The following ERICH6B variants were observed in gnomAD, a reference collection of about 807,000 sequenced individuals.
ERICH6B encodes the protein glutamate rich 6B.
In ERICH6B, 69 loss-of-function variants were observed where a neutral mutation model predicts 80.0. The observed-to-expected ratio is 0.86, with a 90% CI of 0.71 to 1.05. ERICH6B has a LOEUF of 1.05. Among genes scored for constraint, ERICH6B ranks in the 50% least tolerant of loss-of-function variants. ERICH6B has a pLI of 0.00. For synonymous variants in ERICH6B, 283 were observed against 291.9 expected, an observed-to-expected ratio of 0.97 and a Z score of 0.31; for missense variants, 754 against 796.1, an observed-to-expected ratio of 0.95 and a Z score of 0.64.
intron 4 of ERICH6B, among the ~76,000 whole-genome samples, chr13:45,588,833 C>G (rs768700826): frequency 6.6e-6 from 1 of 152,176 alleles, no homozygotes; most frequent in Admixed American, 6.5e-5. Context: ...GGGCTGAACA[C>G]TAGCCCTGTG....
rs374992036 is a variant in ERICH6B, at chr13:45,587,218, C to T, written c.701G>A (p.Gly234Asp). Residue 234 changes from glycine to aspartate, a missense_variant, in exon 5 of 15, where the codon GGC becomes GAC. Gly to Asp is a moderately conservative substitution (Grantham distance 94). Transcript: ENST00000298738. The part of the protein sequence containing the change: ...LLRDARSPDA[G>D]PSQVTTFLTV... The stretch of plus-strand genomic sequence containing the variant: ...CAAGAAGGTGGTCACCTGAGAGGGG[C>T]CAGCGTCTGGACTCCTGTCAGAGGG... 6 of 1,551,434 alleles carry T rather than the reference C, an allele frequency of 3.9e-6. No individual in the cohort carries two copies. The African/African-American group carries it at 5.5e-5, about 14-fold the overall frequency.
At chr13:45,608,210 A>G (rs905864632) in intron 1 of ERICH6B, among the ~76,000 whole-genome samples, 2 of 152,186 alleles carry the variant, frequency 1.3e-5, no homozygotes, top group East Asian at 3.8e-4. Flanking sequence ...TTTTCCTCCA[A>G]AATACTGAGA....
At chr13:45,577,374 C>G (rs1233133363) in intron 7 of ERICH6B, among the ~76,000 whole-genome samples, 1 of 148,728 alleles carries the variant, frequency 6.7e-6, no homozygotes, top group Non-Finnish European at 1.5e-5. Flanking sequence ...ATCTCCGCCT[C>G]CCGGGTTCAA....
At chr13:45,590,602 C>T (rs775080348) in intron 4 of ERICH6B, 47 bp downstream of exon 4, 2 of 1,518,264 alleles carry the variant, frequency 1.3e-6, no homozygotes, top group African/African-American at 1.4e-5. Flanking sequence ...AAACATTGTC[C>T]CCAAGCAGGA....
intron 2 of ERICH6B, among the ~76,000 whole-genome samples, chr13:45,605,054 G>A (rs9595345): frequency 0.39 from 59,610 of 151,826 alleles, 13,535 homozygotes; most frequent in Non-Finnish European, 0.51. Context: ...CTGAGACCCG[G>A]CCCCTGGAAT....
At chr13:45,573,911 C>T (rs1416150274) in intron 8 of ERICH6B, among the ~76,000 whole-genome samples, 1 of 152,158 alleles carries the variant, frequency 6.6e-6, no homozygotes, top group Non-Finnish European at 1.5e-5. Context: ...CTTTGTAAAT[C>T]CAAAGCAGTA....
Position 45,543,448 on chromosome 13 carries a change from G to C in ERICH6B, c.1872+1312C>G, listed in dbSNP as rs141690221. 3.2e-3 allele frequency among the ~76,000 whole-genome samples: 481 copies of C among 152,244 alleles called. 1 individual carries two copies. Among genetic ancestry groups the C allele is most frequent in the African/African-American group, 0.01 (427 of 41,542 alleles). ...CAGGATGAGCTCCTTCTGGATTTAGGGTAGGCCCTAGATCCAACTACTGGT... is the reference window on the plus strand; with the variant it reads ...CAGGATGAGCTCCTTCTGGATTTAGCGTAGGCCCTAGATCCAACTACTGGT... On this transcript the variant is annotated intron_variant, in intron 14 of 14. Transcript: ENST00000298738.
chr13:45,592,141 A>C (rs906764046), intron 3 of ERICH6B, among the ~76,000 whole-genome samples: 1 of 152,202 alleles, frequency 6.6e-6, no homozygotes, highest in African/African-American at 2.4e-5. Flanking sequence ...ATGGGCAGGA[A>C]GAGATAATGG....
At chr13:45,597,162 G>T in intron 2 of ERICH6B, 99 bp from the exon 3 acceptor site, 1 of 844,714 alleles carries the variant, frequency 1.2e-6, no homozygotes. Context: ...AGTAGTCTTT[G>T]GAGGGCTCTT....
At chr13:45,570,026 T>A (rs1280655733) in intron 8 of ERICH6B, among the ~76,000 whole-genome samples, 1 of 152,238 alleles carries the variant, frequency 6.6e-6, no homozygotes, top group African/African-American at 2.4e-5. Context: ...TCTGTTGTGG[T>A]CTGCTGGATG....
intron 11 of ERICH6B, among the ~76,000 whole-genome samples, chr13:45,558,969 C>G (rs1593778584): frequency 6.6e-6 from 1 of 152,154 alleles, no homozygotes; most frequent in East Asian, 1.9e-4. Context: ...GGAGGATTCC[C>G]TCTTTGTTTC....
intron 11 of ERICH6B, among the ~76,000 whole-genome samples, chr13:45,560,548 A>G (rs1874628463): frequency 6.6e-6 from 1 of 152,206 alleles, no homozygotes; most frequent in Non-Finnish European, 1.5e-5. Flanking sequence ...GTACAATGAC[A>G]TGTATCCAAC....
At position 45,587,138 on chromosome 13, in the gene ERICH6B, ACT is replaced by A. The variant is rs1416224242; in HGVS notation, c.779_780del (p.Glu260ValfsTer3). On this transcript the variant is annotated frameshift_variant, in exon 5 of 15. Coordinates refer to ENST00000298738, the MANE Select transcript of ERICH6B (RefSeq NM_182542.3). LOFTEE classifies it high-confidence loss of function. ...TPSPVSESAT[E>X]SSELLLTLYR... ...TACAATGTCAGAAGCAACTCAGAAG[ACT>A]CTGTGGCAGATTCAGAGACAGGAGA... 1 of 1,551,398 alleles carries A rather than the reference ACT, an allele frequency of 6.4e-7. No homozygotes were observed. The highest frequency in any genetic ancestry group is 1.4e-5 in the African/African-American group (1 of 72,964).
chr13:45,572,470 C>T (rs898615510), intron 8 of ERICH6B, among the ~76,000 whole-genome samples: 3 of 152,122 alleles, frequency 2.0e-5, no homozygotes, highest in Non-Finnish European at 2.9e-5. Flanking sequence ...CATATTGTTT[C>T]CCCCAAATAA....
chr13:45,563,415 C>T (rs7326220), intron 10 of ERICH6B, among the ~76,000 whole-genome samples: 20,746 of 152,176 alleles, frequency 0.14, 2,615 homozygotes, highest in African/African-American at 0.33. Context: ...AACCAGAAAA[C>T]ACGGCTGCCC....
intron 11 of ERICH6B, among the ~76,000 whole-genome samples, chr13:45,560,812 A>G (rs1372146794): frequency 6.6e-6 from 1 of 152,218 alleles, no homozygotes; most frequent in Non-Finnish European, 1.5e-5. Flanking sequence ...TTAATGCAGA[A>G]TAATATTTAA....
intron 9 of ERICH6B, among the ~76,000 whole-genome samples, chr13:45,566,823 T>C (rs1874933393): frequency 1.3e-5 from 2 of 152,190 alleles, no homozygotes; most frequent in Admixed American, 1.3e-4. Context: ...AATGGAGCTA[T>C]GAGAAGAGGG....
intron 10 of ERICH6B, among the ~76,000 whole-genome samples, chr13:45,561,798 T>C (rs1483554714): frequency 6.6e-6 from 1 of 152,210 alleles, no homozygotes; most frequent in Non-Finnish European, 1.5e-5. Flanking sequence ...CAGTGCTGGA[T>C]GCCTGATATG....
chr13:45,578,848 T>C (rs1228346107), intron 7 of ERICH6B, among the ~76,000 whole-genome samples: 2 of 152,212 alleles, frequency 1.3e-5, no homozygotes, highest in Non-Finnish European at 2.9e-5. Context: ...AGCCCAGAAG[T>C]TGAGACAATC....
Sources: allele counts gnomAD v4.1 joint callset (sites outside exome capture counted in the v4.1 genomes callset), GRCh38; gene constraint gnomAD v4.1.1; transcripts MANE v1.5; gene names NCBI Gene and HGNC (gene_info 2026-07-23, HGNC 2026-07-21).